The following CSGALNACT1 variants were observed in gnomAD, a reference collection of about 807,000 sequenced individuals.
The protein encoded by CSGALNACT1 is beta4GalNAcT-1.
In CSGALNACT1, 52 loss-of-function variants were observed where a neutral mutation model predicts 51.0. The observed-to-expected ratio is 1.02, with a 90% confidence interval of 0.82 to 1.29. The LOEUF (loss-of-function observed/expected upper bound fraction) is 1.29, where lower values mean the gene tolerates loss of function less well. Among genes scored for constraint, CSGALNACT1 ranks in the 50% most tolerant of loss-of-function variants. The pLI is 0.00. For missense variants in CSGALNACT1, 935 were observed against 679.2 expected (o/e 1.38, Z -4.19); for synonymous variants, 341 against 254.4 (o/e 1.34, Z -3.24).
intron 5 of CSGALNACT1, chr8:19,457,612 C>CA (rs768282510): frequency 5.7e-4 from 686 of 1,195,978 alleles, no homozygotes; most frequent in Non-Finnish European, 6.5e-4. Context: ...GACTCCATCT[C>CA]AAAAAAAAAG....
chr8:19,432,629 T>TC, intron 6 of CSGALNACT1, among the ~76,000 whole-genome samples: 2 of 152,174 alleles, frequency 1.3e-5, no homozygotes, highest in Admixed American at 1.3e-4. Flanking sequence ...TCTGTTTTTT[T>TC]CTGAGACTGA....
chr8:19,409,038 G>T (rs1013784229), intron 8 of CSGALNACT1, among the ~76,000 whole-genome samples: 1 of 151,612 alleles, frequency 6.6e-6, no homozygotes, highest in Non-Finnish European at 1.5e-5. Context: ...AGCCACCTAC[G>T]TGCCTGGCCC....
At chr8:19,756,140 T>C (rs940238021) in intron 1 of CSGALNACT1, among the ~76,000 whole-genome samples, 2 of 152,212 alleles carry the variant, frequency 1.3e-5, no homozygotes, top group Admixed American at 6.5e-5. Context: ...TAATGCTCAC[T>C]GTTGCAAGTA....
intron 8 of CSGALNACT1, among the ~76,000 whole-genome samples, chr8:19,410,354 T>G (rs2055388833): frequency 6.6e-6 from 1 of 152,214 alleles, no homozygotes; most frequent in South Asian, 2.1e-4. Flanking sequence ...GGAGTCATTT[T>G]TTAAAATATG....
intron 1 of CSGALNACT1, among the ~76,000 whole-genome samples, chr8:19,716,220 G>C (rs1263405880): frequency 2.0e-5 from 3 of 152,108 alleles, no homozygotes; most frequent in African/African-American, 7.2e-5. Context: ...GGGAGACACA[G>C]GGGGAAAGTC....
At chr8:19,515,614 G>A (rs2079368342) in intron 3 of CSGALNACT1, among the ~76,000 whole-genome samples, 1 of 152,170 alleles carries the variant, frequency 6.6e-6, no homozygotes, top group Non-Finnish European at 1.5e-5. Context: ...AGCAGAAAAA[G>A]GGAAATGTGG....
intron 1 of CSGALNACT1, among the ~76,000 whole-genome samples, chr8:19,745,887 T>G (rs577382524): frequency 2.6e-5 from 4 of 152,044 alleles, no homozygotes; most frequent in African/African-American, 9.6e-5. Flanking sequence ...TAAGTACACA[T>G]CGGAAAACAG....
At chr8:19,412,984 C>T (rs955370698) in intron 8 of CSGALNACT1, among the ~76,000 whole-genome samples, 8 of 152,100 alleles carry the variant, frequency 5.3e-5, no homozygotes, top group African/African-American at 1.9e-4. Context: ...TGTTGCCAAG[C>T]CCAAAACAAT....
chr8:19,597,151 T>C (rs1490886646), intron 2 of CSGALNACT1, among the ~76,000 whole-genome samples: 8 of 152,160 alleles, frequency 5.3e-5, no homozygotes, highest in Non-Finnish European at 2.9e-5. Context: ...ACTGCATCCA[T>C]ATTTTAGTAG....
chr8:19,480,797 T>C (rs905865095), intron 4 of CSGALNACT1, among the ~76,000 whole-genome samples: 3 of 152,108 alleles, frequency 2.0e-5, no homozygotes, highest in Non-Finnish European at 4.4e-5. Flanking sequence ...ACTCCAGCAG[T>C]GAGTTGCCTT....
intron 3 of CSGALNACT1, among the ~76,000 whole-genome samples, chr8:19,513,989 G>A (rs1051142294): frequency 2.0e-5 from 3 of 152,124 alleles, no homozygotes; most frequent in African/African-American, 7.2e-5. Flanking sequence ...CATCCACCCA[G>A]AAGTTTCAGA....
At chr8:19,621,563 G>C (rs1251723274) in intron 1 of CSGALNACT1, among the ~76,000 whole-genome samples, 1 of 152,060 alleles carries the variant, frequency 6.6e-6, no homozygotes, top group Non-Finnish European at 1.5e-5. Flanking sequence ...GGAGGATTGA[G>C]GCCAGGAGTT....
Position 19,730,614 on chromosome 8 carries a change from C to A in CSGALNACT1, c.-297+27236G>T, listed in dbSNP as rs796237947. The stretch of plus-strand genomic sequence containing the variant: ...TCATTCTCAGCTGCCTGCTGTCTGT[C>A]GTTGTGTGCAGAGCTACAGGGGTGA... On this transcript the variant is annotated intron_variant, in intron 1 of 1. Transcript: ENST00000517494. Among the ~76,000 whole-genome samples the A allele has an allele frequency of 6.6e-5, 10 of 152,306 alleles. 2 individuals carry two copies. The highest frequency in any genetic ancestry group is 2.4e-4 in the African/African-American group (10 of 41,568).
Position 19,441,015 on chromosome 8 carries a change from T to C in CSGALNACT1, c.852-1084A>G, listed in dbSNP as rs1268342801. On this transcript the variant is annotated intron_variant, in intron 5 of 9. Coordinates refer to ENST00000454498, the Ensembl canonical transcript of CSGALNACT1. ...ACCTAGGAATCCAACTTACAAGGAA[T>C]ATGAAGGACCTCTTCAAGGAGAACT... is the stretch of plus-strand genomic sequence containing the variant. Among the ~76,000 whole-genome samples, 11 of 152,296 alleles carry C rather than the reference T, an allele frequency of 7.2e-5. No homozygotes were observed. The South Asian group carries it at 1.5e-3, about 20-fold the overall frequency.
chr8:19,451,858 A>T (rs1460511179), intron 5 of CSGALNACT1, among the ~76,000 whole-genome samples: 1 of 152,230 alleles, frequency 6.6e-6, no homozygotes, highest in East Asian at 1.9e-4. Flanking sequence ...GCCCATCTGG[A>T]CCAAGATTTT....
At position 19,579,964 on chromosome 8, in the gene CSGALNACT1, CTGCTGTT is replaced by C. The variant is rs1310891664; in HGVS notation, c.-297+11189_-297+11195del. 7.9e-5 allele frequency among the ~76,000 whole-genome samples: 12 copies of C among 152,290 alleles called. 1 individual carries two copies. Among genetic ancestry groups the C allele is most frequent in the African/African-American group, 2.4e-4 (10 of 41,572 alleles). On this transcript the variant is annotated intron_variant, in intron 3 of 9. Transcript: ENST00000454498. ...GGAGGAGGAAGAGGAGGAGAAATAG[CTGCTGTT>C]TGCTGTTTGCAGACTTTGGTCTTCA... is the stretch of plus-strand genomic sequence containing the variant.
chr8:19,622,071 C>T (rs1337331470), intron 1 of CSGALNACT1, among the ~76,000 whole-genome samples: 2 of 152,178 alleles, frequency 1.3e-5, no homozygotes, highest in Non-Finnish European at 2.9e-5. Context: ...TACAAAATGG[C>T]CACTGGTTAA....
chr8:19,672,212 G>A (rs150947352), intron 1 of CSGALNACT1, among the ~76,000 whole-genome samples: 7 of 152,142 alleles, frequency 4.6e-5, no homozygotes, highest in Admixed American at 1.3e-4. Flanking sequence ...GAATTTCTTC[G>A]GCTTTCCCAT....
rs1204193136 is a variant in CSGALNACT1, at chr8:19,757,399, G to C, written c.-297+451C>G. ...AAGCCTGGCGCCCCGCCGCAGGGTA[G>C]GTCCGGCGGGGGCGGCCAAGGCCGG... On this transcript the variant is annotated intron_variant, in intron 1 of 1. Coordinates refer to the CSGALNACT1 transcript ENST00000517494. This position sits in a 1 kb window ranked among gnomAD's most constrained non-coding sequence, Gnocchi z 4.0. 1.3e-5 allele frequency: 2 copies of C among 152,270 alleles called. No homozygotes were observed. The highest frequency in any genetic ancestry group is 1.5e-5 in the Non-Finnish European group (1 of 67,816). The allele number at this position is 152,270 out of a possible 1,614,324, so 9.4% of individuals were successfully genotyped here.
Sources: gnomAD v4.1 joint callset for allele counts (sites outside exome capture counted in the v4.1 genomes callset) on GRCh38, gnomAD v4.1.1 for gene constraint, Gnocchi (gnomAD v3.1) non-coding constraint, MANE v1.5 for transcripts, NCBI Gene and HGNC (gene_info 2026-07-23, HGNC 2026-07-21) for gene names.